TMEM244: variants seen among roughly 807,000 people sequenced by gnomAD.
The protein encoded by TMEM244 is transmembrane protein 244, also known as putative transmembrane protein 244.
A neutral mutation model predicts 15.8 loss-of-function variants in TMEM244; 13 were observed. That is an observed-to-expected ratio of 0.82 (90% CI 0.53 to 1.30). The LOEUF is 1.30. Among genes scored for constraint, TMEM244 ranks in the 50% most tolerant of loss-of-function variants. TMEM244 has a pLI of 0.00. For synonymous variants in TMEM244, 45 were observed against 48.7 expected, an observed-to-expected ratio of 0.92 and a Z score of 0.32; for missense variants, 161 against 144.9, an observed-to-expected ratio of 1.11 and a Z score of -0.57.
At chr6:129,845,945 G>T in intron 1 of TMEM244, 93 bp from the exon 2 acceptor site, 1 of 840,190 alleles carries the variant, frequency 1.2e-6, no homozygotes, top group Non-Finnish European at 1.9e-6. Flanking sequence ...ATGATTACTA[G>T]ATAGTGTTGG....
intron 3 of TMEM244, among the ~76,000 whole-genome samples, chr6:129,834,793 T>C (rs1221978665): frequency 6.6e-6 from 1 of 152,240 alleles, no homozygotes; most frequent in Non-Finnish European, 1.5e-5. Flanking sequence ...AGAACTGTCC[T>C]GTTGTGTCAT....
chr6:129,831,253 C>A lies in TMEM244; in HGVS notation c.*66G>T. 3 of 970,312 alleles carry A rather than the reference C, an allele frequency of 3.1e-6. No individual in the cohort carries two copies. The highest frequency in any genetic ancestry group is 4.8e-6 in the Non-Finnish European group (3 of 624,922). The allele number at this position is 970,312 out of a possible 1,614,324, so 60.1% of individuals were successfully genotyped here. On this transcript the variant is annotated 3_prime_UTR_variant, in exon 5 of 5. Transcript: ENST00000368143. Reference sequence around the variant, plus strand: ...CTTAGAAAGACAATAATTGTAAAATCTATGAGAAAATAAAATATATTTCCA... The same window carrying A: ...CTTAGAAAGACAATAATTGTAAAATATATGAGAAAATAAAATATATTTCCA...
intron 2 of TMEM244, 56 bp from the exon 3 acceptor site, chr6:129,843,659 A>C: frequency 1.6e-6 from 2 of 1,249,824 alleles, no homozygotes; most frequent in Non-Finnish European, 2.3e-6. Context: ...TCATAACAGC[A>C]CATCAAAGTG....
Position 129,831,290 on chromosome 6 carries a change from T to A in TMEM244, c.*29A>T, listed in dbSNP as rs765222741. The A allele has an allele frequency of 6.5e-6, 8 of 1,236,140 alleles. No individual in the cohort carries two copies. In the African/African-American group the frequency reaches 1.2e-4, roughly 18 times the overall value. The allele number at this position is 1,236,140 out of a possible 1,614,324, so 76.6% of individuals were successfully genotyped here. ...AAAATATATTTCCACAGTTATTCTA[T>A]TTAACATTATTTCTGTGCATTAGAG... On this transcript the variant is annotated 3_prime_UTR_variant, in exon 5 of 5. Transcript: ENST00000368143.
At chr6:129,838,647 G>T (rs1404086121) in intron 3 of TMEM244, among the ~76,000 whole-genome samples, 6 of 152,050 alleles carry the variant, frequency 3.9e-5, no homozygotes, top group Non-Finnish European at 7.4e-5. Flanking sequence ...TCCAGGAGCT[G>T]GTTTTTTGAG....
rs182750482 is a variant in TMEM244, at chr6:129,854,937, C to T, written c.33+6219G>A. Among the ~76,000 whole-genome samples, 3 of 152,308 alleles carry T rather than the reference C, an allele frequency of 2.0e-5. No homozygotes were observed. The East Asian group carries it at 5.8e-4, about 29-fold the overall frequency. ...CCATACTCTTCATATTCAATATCTG[C>T]TCACATACATGGCCTTTAAGTGGTT... is the stretch of plus-strand genomic sequence containing the variant. On this transcript the variant is annotated intron_variant, in intron 1 of 4. Transcript: ENST00000368143.
chr6:129,855,729 C>T (rs573495647), intron 1 of TMEM244, among the ~76,000 whole-genome samples: 1 of 152,214 alleles, frequency 6.6e-6, no homozygotes, highest in South Asian at 2.1e-4. Context: ...TTGTGCATTT[C>T]CCATTGTATC....
intron 3 of TMEM244, among the ~76,000 whole-genome samples, chr6:129,836,388 A>G (rs1178687716): frequency 6.6e-6 from 1 of 152,244 alleles, no homozygotes; most frequent in African/African-American, 2.4e-5. Context: ...AACAAAAAGG[A>G]CATCCACCTC....
chr6:129,860,707 C>T (rs958302802), intron 1 of TMEM244, among the ~76,000 whole-genome samples: 1 of 150,656 alleles, frequency 6.6e-6, no homozygotes, highest in African/African-American at 2.4e-5. Context: ...ACACTAGCCT[C>T]GGGGGAAAAA....
intron 1 of TMEM244, among the ~76,000 whole-genome samples, chr6:129,854,997 AT>A (rs1776685660): frequency 6.6e-6 from 1 of 152,192 alleles, no homozygotes; most frequent in African/African-American, 2.4e-5. Context: ...TGGTAACTGC[AT>A]TTTAAGAAAC....
At chr6:129,843,341 C>T (rs995865861) in intron 3 of TMEM244, among the ~76,000 whole-genome samples, 189 bp downstream of exon 3, 2 of 152,058 alleles carry the variant, frequency 1.3e-5, no homozygotes, top group South Asian at 2.1e-4. Context: ...TTCCATATTA[C>T]TCCACCTGCA....
At chr6:129,836,339 A>G (rs368524225) in intron 3 of TMEM244, among the ~76,000 whole-genome samples, 2 of 152,312 alleles carry the variant, frequency 1.3e-5, no homozygotes, top group East Asian at 3.9e-4. Flanking sequence ...TGACTGTTAG[A>G]GGGAAAACTA....
rs1160038468 is a variant in TMEM244 at position 129,833,460 on chromosome 6, C to T, written c.319G>A (p.Val107Ile). The T allele has an allele frequency of 6.2e-7, 1 of 1,609,748 alleles. No individual in the cohort carries two copies. ...TILHVAITST[V>I]MLEFPLTSHW... ...GTTTCTGTTATTTTATTCTGCTTACCAGTTGAAGTGATGGCAACATGAAGA... is the reference window on the plus strand; with the variant it reads ...GTTTCTGTTATTTTATTCTGCTTACTAGTTGAAGTGATGGCAACATGAAGA... The change falls in exon 4 of 5, where the codon GTT (valine) becomes ATT (isoleucine). Residue 107 changes from valine (V) to isoleucine (I), a missense_variant and splice_region_variant. Physicochemically the swap from Val to Ile is conservative, Grantham distance 29. Coordinates refer to ENST00000368143, the MANE Select transcript of TMEM244 (RefSeq NM_001010876.2).
intron 3 of TMEM244, among the ~76,000 whole-genome samples, chr6:129,837,763 G>A (rs1472677006): frequency 1.3e-5 from 2 of 151,952 alleles, no homozygotes; most frequent in Non-Finnish European, 2.9e-5. Context: ...AAAAAAGCGG[G>A]TTACAATCTT....
At position 129,831,396 on chromosome 6, in the gene TMEM244, A is replaced by G. The variant is rs1776327765; in HGVS notation, c.320-10T>C. ...GGGAATTCCAACATAACTGCAATAG[A>G]AAAAAAATGTTTAATTTCAAAACAT... On this transcript the variant is annotated splice_polypyrimidine_tract_variant and intron_variant, in intron 4 of 4. Coordinates refer to ENST00000368143, the MANE Select transcript of TMEM244 (RefSeq NM_001010876.2). The G allele has an allele frequency of 2.0e-6, 3 of 1,538,112 alleles. No individual in the cohort carries two copies. Among genetic ancestry groups the G allele is most frequent in the Non-Finnish European group, 2.7e-6 (3 of 1,113,196 alleles).
intron 1 of TMEM244, among the ~76,000 whole-genome samples, chr6:129,856,815 T>G (rs1012908001): frequency 1.3e-5 from 2 of 152,166 alleles, no homozygotes; most frequent in East Asian, 1.9e-4. Flanking sequence ...TATGCCAAAC[T>G]TATTAAGATG....
chr6:129,856,197 A>T (rs756482966), intron 1 of TMEM244, among the ~76,000 whole-genome samples: 2 of 152,116 alleles, frequency 1.3e-5, no homozygotes, highest in Non-Finnish European at 2.9e-5. Flanking sequence ...TTGAGCACCT[A>T]CCAGATACTG....
Position 129,849,161 on chromosome 6 carries a change from C to A in TMEM244, c.34-3309G>T, listed in dbSNP as rs1037332495. Among the ~76,000 whole-genome samples the A allele has an allele frequency of 8.6e-5, 13 of 151,954 alleles. No individual in the cohort carries two copies. The East Asian group carries it at 2.3e-3, about 27-fold the overall frequency. On this transcript the variant is annotated intron_variant, in intron 1 of 4. Coordinates refer to ENST00000368143, the MANE Select transcript of TMEM244 (RefSeq NM_001010876.2). Reference sequence around the variant, plus strand: ...CAAACTTTACATAGAGATACACTTACTTTTTCTGACAAATTTATATAACAC... The same window carrying A: ...CAAACTTTACATAGAGATACACTTAATTTTTCTGACAAATTTATATAACAC...
chr6:129,833,547 CACAA>C lies in TMEM244; in HGVS notation c.228_231del (p.Cys77AspfsTer36), dbSNP rs748693435. 66 of 1,612,614 alleles carry C rather than the reference CACAA, an allele frequency of 4.1e-5. No individual in the cohort carries two copies. In the East Asian group the frequency reaches 7.2e-4, roughly 17 times the overall value. ...TCCACAACTGGAACAAAAAACAATCCACAAACAAAGTAGGTGACCTCTGTTGAAA... is the reference window on the plus strand; with the variant it reads ...TCCACAACTGGAACAAAAAACAATCCACAAAGTAGGTGACCTCTGTTGAAA... On this transcript the variant is annotated frameshift_variant, in exon 4 of 5. Transcript: ENST00000368143. LOFTEE classifies it high-confidence loss of function.
Sources: allele counts gnomAD v4.1 joint callset (sites outside exome capture counted in the v4.1 genomes callset), GRCh38; gene constraint gnomAD v4.1.1; transcripts MANE v1.5; gene names NCBI Gene and HGNC (gene_info 2026-07-23, HGNC 2026-07-21).